Variants in RNF24 observed in about 807,000 individuals in gnomAD.
RNF24 encodes the protein ring finger protein 24.
RNF24 carries 14 observed loss-of-function variants against 20.0 expected under a neutral mutation model. The observed-to-expected ratio is 0.70, with a 90% CI of 0.46 to 1.10. The LOEUF (loss-of-function observed/expected upper bound fraction) is 1.10, where lower values mean the gene tolerates loss of function less well. Among genes scored for constraint, RNF24 ranks in the 50% least tolerant of loss-of-function variants. The pLI, the probability that RNF24 is intolerant of heterozygous loss-of-function variation, is 0.00. For missense variants in RNF24, 124 were observed against 177.6 expected, an observed-to-expected ratio of 0.70 and a Z score of 1.71; for synonymous variants, 45 against 61.1, an observed-to-expected ratio of 0.74 and a Z score of 1.23.
At chr20:3,941,835 A>G (rs1347456315) in intron 4 of RNF24, among the ~76,000 whole-genome samples, 2 of 152,144 alleles carry the variant, frequency 1.3e-5, no homozygotes, top group African/African-American at 4.8e-5. Flanking sequence ...AGCACCTAAG[A>G]GGCCGAGGGG....
At chr20:3,967,355 CT>C (rs913697530) in intron 1 of RNF24, among the ~76,000 whole-genome samples, 13 of 152,022 alleles carry the variant, frequency 8.6e-5, no homozygotes, top group African/African-American at 3.1e-4. Flanking sequence ...ACGTGAAAGC[CT>C]TTTTTTCCCC....
Position 3,927,447 on chromosome 20 carries a change from G to A in RNF24, c.*6616C>T, listed in dbSNP as rs2090739760. 2 of 152,226 alleles carry A rather than the reference G, an allele frequency of 1.3e-5. No individual in the cohort carries two copies. Among genetic ancestry groups the A allele is most frequent in the East Asian group, 1.9e-4 (1 of 5,190 alleles). The allele number at this position is 152,226 out of a possible 1,614,324, so 9.4% of individuals were successfully genotyped here. On this transcript the variant is annotated 3_prime_UTR_variant, in exon 6 of 6. Coordinates refer to ENST00000358395, the MANE Select transcript of RNF24 (RefSeq NM_001134337.3). ...AAAAATATAGCTTACAAAAAACTGC[G>A]AATGTTTAAAAATATTCTGCTGCAG...
intron 2 of RNF24, among the ~76,000 whole-genome samples, chr20:3,958,015 T>C (rs1211861862): frequency 6.6e-6 from 1 of 152,206 alleles, no homozygotes; most frequent in African/African-American, 2.4e-5. Context: ...CTTTAAGTGT[T>C]ACCCTATCAC....
chr20:3,987,090 A>G (rs1331207220), intron 1 of RNF24, among the ~76,000 whole-genome samples: 2 of 152,170 alleles, frequency 1.3e-5, no homozygotes, highest in Admixed American at 6.5e-5. Context: ...TTTACAAAGA[A>G]TCTGCTAATC....
chr20:3,952,284 A>G (rs1419834349), intron 2 of RNF24, among the ~76,000 whole-genome samples: 1 of 151,988 alleles, frequency 6.6e-6, no homozygotes, highest in Admixed American at 6.6e-5. Flanking sequence ...TACAGCTTTA[A>G]TTTTTCTCTT....
At chr20:3,988,726 T>C (rs74473021) in intron 1 of RNF24, among the ~76,000 whole-genome samples, 2,068 of 152,278 alleles carry the variant, frequency 0.014, 58 homozygotes, top group African/African-American at 0.048. Flanking sequence ...CAGAAAGTGC[T>C]GGGATTACAA....
chr20:4,008,237 T>C (rs896184372), intron 1 of RNF24, among the ~76,000 whole-genome samples: 6 of 139,730 alleles, frequency 4.3e-5, no homozygotes, highest in African/African-American at 1.3e-4. Flanking sequence ...GGAGGTCACA[T>C]AGCAAAAAGT....
intron 1 of RNF24, among the ~76,000 whole-genome samples, chr20:3,981,512 C>CT (rs1420728505): frequency 0.017 from 2,499 of 143,572 alleles, 26 homozygotes; most frequent in Non-Finnish European, 0.027. Context: ...CACTTTTTTT[C>CT]TTTTTTTTTT....
intron 1 of RNF24, among the ~76,000 whole-genome samples, chr20:4,010,752 C>T (rs1210653729): frequency 6.6e-6 from 1 of 152,222 alleles, no homozygotes; most frequent in Non-Finnish European, 1.5e-5. Flanking sequence ...AGTGCTTAAT[C>T]TCAATGCCTA....
At chr20:3,983,944 A>C (rs1329793056) in intron 1 of RNF24, among the ~76,000 whole-genome samples, 1 of 145,996 alleles carries the variant, frequency 6.8e-6, no homozygotes, top group Admixed American at 6.8e-5. Context: ...TGGTCTCAAA[A>C]AAAAAAAAAA....
At chr20:4,009,891 A>G (rs1279782401) in intron 1 of RNF24, among the ~76,000 whole-genome samples, 1 of 152,164 alleles carries the variant, frequency 6.6e-6, no homozygotes, top group Admixed American at 6.5e-5. Flanking sequence ...TTTTAAAAAT[A>G]TGTATCCAAA....
chr20:3,993,924 C>A (rs1980659353), intron 1 of RNF24, among the ~76,000 whole-genome samples: 1 of 152,142 alleles, frequency 6.6e-6, no homozygotes, highest in Non-Finnish European at 1.5e-5. Flanking sequence ...TAAAATCTTA[C>A]CTAAGGATAG....
At chr20:3,965,830 C>A (rs1034111596) in intron 1 of RNF24, among the ~76,000 whole-genome samples, 5 of 152,106 alleles carry the variant, frequency 3.3e-5, no homozygotes, top group Non-Finnish European at 5.9e-5. Flanking sequence ...AAATATCTCT[C>A]ACCTTAGAAA....
chr20:4,013,606 C>T (rs1357855678), intron 1 of RNF24, among the ~76,000 whole-genome samples: 1 of 151,540 alleles, frequency 6.6e-6, no homozygotes, highest in East Asian at 1.9e-4. Context: ...CTCAGCCTCC[C>T]GAGTAGCTGG....
At chr20:3,985,626 C>CT (rs1262169274) in intron 1 of RNF24, among the ~76,000 whole-genome samples, 1 of 151,434 alleles carries the variant, frequency 6.6e-6, no homozygotes, top group Non-Finnish European at 1.5e-5. Flanking sequence ...AGTTTGTCTA[C>CT]TTGAATATTT....
intron 1 of RNF24, among the ~76,000 whole-genome samples, chr20:4,001,771 A>G (rs186856594): frequency 6.6e-5 from 10 of 152,194 alleles, no homozygotes; most frequent in Admixed American, 3.9e-4. Flanking sequence ...CCTCATCTCT[A>G]TAAAACTTAA....
Position 3,931,963 on chromosome 20 carries a change from T to C in RNF24, c.*2100A>G, listed in dbSNP as rs763011932. 2.0e-5 allele frequency: 3 copies of C among 152,244 alleles called. No individual in the cohort carries two copies. The highest frequency in any genetic ancestry group is 4.4e-5 in the Non-Finnish European group (3 of 68,044). The allele number at this position is 152,244 out of a possible 1,614,324, so 9.4% of individuals were successfully genotyped here. On this transcript the variant is annotated 3_prime_UTR_variant, in exon 6 of 6. Transcript: ENST00000358395. ...CAGACTTGGTGAGGCTGTCTTTTGT[T>C]AGTACTGATGCACAGGGACAGAAAA...
intron 2 of RNF24, among the ~76,000 whole-genome samples, chr20:3,953,493 C>G (rs1238403514): frequency 7.2e-6 from 1 of 139,266 alleles, no homozygotes; most frequent in African/African-American, 2.7e-5. Flanking sequence ...GAGACGGAGT[C>G]TTGCTCTGTT....
At chr20:3,975,918 C>T (rs1978829657) in intron 1 of RNF24, among the ~76,000 whole-genome samples, 1 of 151,986 alleles carries the variant, frequency 6.6e-6, no homozygotes, top group African/African-American at 2.4e-5. Context: ...TCCCTAGTAG[C>T]TGGGACTATA....
Sources: allele counts gnomAD v4.1 joint callset (sites outside exome capture counted in the v4.1 genomes callset), GRCh38; gene constraint gnomAD v4.1.1; transcripts MANE v1.5; gene names NCBI Gene and HGNC (gene_info 2026-07-23, HGNC 2026-07-21).